DAP3: variants seen among roughly 807,000 people sequenced by gnomAD.
DAP3 encodes death associated protein 3, also known as small ribosomal subunit protein mS29.
In DAP3, 28 loss-of-function variants were observed where a neutral mutation model predicts 51.9. The ratio of observed to expected loss-of-function variants is 0.54; its 90% CI spans 0.40 to 0.74. DAP3 has a LOEUF of 0.74. DAP3 is among the 30% of genes least tolerant of loss of function. The pLI is 0.00. For missense variants in DAP3, 458 were observed against 483.5 expected (o/e 0.95, Z 0.49); for synonymous variants, 170 against 170.3 (o/e 1.00, Z 0.01).
chr1:155,729,174 TG>T (rs765094969), intron 8 of DAP3, 33 bp from the exon 9 acceptor site: 2 of 1,614,166 alleles, frequency 1.2e-6, no homozygotes, highest in South Asian at 2.2e-5. Flanking sequence ...AGAAGGCCTC[TG>T]GTAGCACTAC....
intron 1 of DAP3, among the ~76,000 whole-genome samples, chr1:155,690,668 A>T (rs181829794): frequency 7.0e-6 from 1 of 142,432 alleles, no homozygotes; most frequent in East Asian, 1.9e-4. Context: ...TGTATGTAAC[A>T]TTAAGGAAAC....
intron 6 of DAP3, chr1:155,726,284 AAT>A: frequency 5.5e-6 from 1 of 182,884 alleles, no homozygotes; most frequent in South Asian, 1.2e-4. Flanking sequence ...ACGCCCAGCT[AAT>A]TTTTTTTTTT....
intron 2 of DAP3, among the ~76,000 whole-genome samples, chr1:155,716,357 C>T (rs571462726): frequency 3.2e-4 from 47 of 148,774 alleles, no homozygotes; most frequent in African/African-American, 1.1e-3. Context: ...GTCATGAGAT[C>T]GAGACCATCC....
intron 3 of DAP3, among the ~76,000 whole-genome samples, chr1:155,718,927 T>G (rs1315612079): frequency 1.3e-5 from 2 of 152,220 alleles, no homozygotes; most frequent in Non-Finnish European, 2.9e-5. Context: ...CAGATGATCT[T>G]GTCACATGAC....
intron 11 of DAP3, chr1:155,732,286 A>C: frequency 4.3e-6 from 1 of 232,084 alleles, no homozygotes; most frequent in Non-Finnish European, 8.3e-6. Flanking sequence ...CTTGAGTGCA[A>C]TGGCGCAATT....
At position 155,732,018 on chromosome 1, in the gene DAP3, G is replaced by C. The variant is rs1276218579; in HGVS notation, c.978G>C (p.Gln326His). The stretch of plus-strand genomic sequence containing the variant: ...AGCCCCGGAAAGCCTATCTGCCCCA[G>C]GAGTTGCTGGGAAAGGTCAAGTCAA... Reference protein sequence around the residue: ...LFKPRKAYLPQELLGKEGFDA... With the variant: ...LFKPRKAYLPHELLGKEGFDA... Residue 326 changes from glutamine to histidine, a missense_variant, in exon 11 of 13, where the codon CAG (glutamine) becomes CAC (histidine). Physicochemically the swap from Gln to His is conservative, Grantham distance 24. Coordinates refer to ENST00000368336, the MANE Select transcript of DAP3 (RefSeq NM_004632.4). The C allele has an allele frequency of 6.8e-6, 11 of 1,610,456 alleles. No homozygotes were observed. Among genetic ancestry groups the C allele is most frequent in the Non-Finnish European group, 9.3e-6 (11 of 1,178,324 alleles).
intron 1 of DAP3, among the ~76,000 whole-genome samples, chr1:155,706,286 A>G (rs761356572): frequency 2.6e-5 from 4 of 152,220 alleles, no homozygotes; most frequent in Non-Finnish European, 5.9e-5. Context: ...TATTACAGGC[A>G]TGAGTCACCA....
chr1:155,695,422 A>G (rs993249181), intron 1 of DAP3, among the ~76,000 whole-genome samples: 2 of 152,116 alleles, frequency 1.3e-5, no homozygotes, highest in Non-Finnish European at 2.9e-5. Context: ...ACATAATTTG[A>G]TAGTTGTTTG....
chr1:155,703,223 A>G (rs1378191727), intron 1 of DAP3, among the ~76,000 whole-genome samples: 4 of 152,300 alleles, frequency 2.6e-5, no homozygotes, highest in Middle Eastern at 3.4e-3. Flanking sequence ...TGCGTAATTT[A>G]TTAAGAAAAA....
chr1:155,688,735 A>ACCGCCGCCAAAGCAG (rs1653147022), upstream of DAP3: 12 of 1,515,096 alleles, frequency 7.9e-6, no homozygotes, highest in East Asian at 1.5e-4. Flanking sequence ...ACGGCCACCA[A>ACCGCCGCCAAAGCAG]CCGCCGCCAA....
intron 2 of DAP3, among the ~76,000 whole-genome samples, chr1:155,712,361 C>T (rs1330185043): frequency 8.6e-5 from 13 of 152,006 alleles, no homozygotes; most frequent in Admixed American, 8.5e-4. Flanking sequence ...ACCTGTAATC[C>T]CAGCACTTTG....
chr1:155,698,573 A>G (rs1380256033), intron 1 of DAP3, among the ~76,000 whole-genome samples: 1 of 152,142 alleles, frequency 6.6e-6, no homozygotes, highest in African/African-American at 2.4e-5. Flanking sequence ...CCAGTGCTGT[A>G]CACACCAATG....
chr1:155,737,010 T>G lies in DAP3; in HGVS notation c.1058T>G (p.Phe353Cys). Residue 353 changes from phenylalanine (F) to cysteine (C), a missense_variant, in exon 12 of 13, where the codon TTT becomes TGT. Physicochemically the swap from Phe to Cys is radical, Grantham distance 205. Transcript: ENST00000368336. ...ILVSNYNPKE[F>C]ESCIQYYLEN... ...GTTTCCAACTATAACCCAAAGGAAT[T>G]TGAAAGTTGTATTCAGTATTATTTG... 1 of 1,614,128 alleles carries G rather than the reference T, an allele frequency of 6.2e-7. No individual in the cohort carries two copies. Among genetic ancestry groups the G allele is most frequent in the Middle Eastern group, 1.6e-4 (1 of 6,062 alleles).
upstream of DAP3, chr1:155,688,827 T>G (rs546473729): frequency 1.9e-6 from 3 of 1,574,720 alleles, no homozygotes; most frequent in African/African-American, 1.4e-5. Flanking sequence ...GTTCCATTCC[T>G]GGCGGCTGCA....
intron 2 of DAP3, among the ~76,000 whole-genome samples, chr1:155,715,099 A>G (rs1657171826): frequency 6.6e-6 from 1 of 151,378 alleles, no homozygotes; most frequent in Admixed American, 6.6e-5. Context: ...GCTGCTCAGG[A>G]GGCTGTGTCA....
chr1:155,688,970 C>G (rs1292215149), upstream of DAP3: 3 of 1,609,836 alleles, frequency 1.9e-6, no homozygotes, highest in Non-Finnish European at 2.5e-6. Flanking sequence ...CTCGCCTCCT[C>G]CTCCATGGGA....
chr1:155,738,110 TGCA>T (rs749843410), intron 12 of DAP3, 44 bp from the exon 13 acceptor site: 2 of 1,580,938 alleles, frequency 1.3e-6, no homozygotes, highest in South Asian at 2.2e-5. Context: ...GGGAACACAG[TGCA>T]GCAGGAGGAA....
chr1:155,704,460 G>A (rs967503133), intron 1 of DAP3, among the ~76,000 whole-genome samples: 2 of 152,144 alleles, frequency 1.3e-5, no homozygotes, highest in Non-Finnish European at 2.9e-5. Context: ...GGTTGTGCCG[G>A]GGAGCATTGA....
At chr1:155,731,852 C>A in intron 10 of DAP3, 92 bp from the exon 11 acceptor site, 1 of 1,304,924 alleles carries the variant, frequency 7.7e-7, no homozygotes, top group Non-Finnish European at 1.0e-6. Context: ...ACACTGTATG[C>A]CCAAGAAAGA....
Sources: gnomAD v4.1 joint callset for allele counts (sites outside exome capture counted in the v4.1 genomes callset) on GRCh38, gnomAD v4.1.1 for gene constraint, MANE v1.5 for transcripts, NCBI Gene and HGNC (gene_info 2026-07-23, HGNC 2026-07-21) for gene names.